Variants in BICRAL observed in about 807,000 individuals in gnomAD.
BICRAL encodes the protein BRD4-interacting chromatin-remodeling complex-associated protein-like.
BICRAL carries 8 observed loss-of-function variants against 91.8 expected under a neutral mutation model. That is an observed-to-expected ratio of 0.09 (90% CI 0.05 to 0.16). BICRAL has a LOEUF of 0.16. BICRAL is among the 10% of genes least tolerant of loss of function. The pLI, the probability that BICRAL is intolerant of heterozygous loss-of-function variation, is 1.00. For missense variants in BICRAL, 1,038 were observed against 1,310.9 expected (o/e 0.79, Z 3.21); for synonymous variants, 445 against 491.1 (o/e 0.91, Z 1.24).
At chr6:42,825,828 A>ACCTGTAATC (rs58604710) in intron 5 of BICRAL, among the ~76,000 whole-genome samples, 71,014 of 151,594 alleles carry the variant, frequency 0.47, 17,847 homozygotes, top group African/African-American at 0.66. Flanking sequence ...GGTGGCTCAC[A>ACCTGTAATC]CCAACACTTG....
rs1017357608 is a variant in BICRAL, at chr6:42,794,854, G to A, written c.-102+12753G>A. ...CGGGCACCTGTAATCGCAGCTATTC[G>A]GGAGGCTGAGACAGGAGGATTGCTT... On this transcript the variant is annotated intron_variant, in intron 1 of 12. Transcript: ENST00000314073. Among the ~76,000 whole-genome samples, 17 of 150,998 alleles carry A rather than the reference G, an allele frequency of 1.1e-4. No individual in the cohort carries two copies. The East Asian group carries it at 1.4e-3, about 12-fold the overall frequency.
At chr6:42,807,270 G>A (rs190428407) in intron 1 of BICRAL, among the ~76,000 whole-genome samples, 6 of 151,812 alleles carry the variant, frequency 4.0e-5, no homozygotes, top group Non-Finnish European at 8.8e-5. Context: ...TGCAAGCTCC[G>A]CCTTCCGGGT....
rs749910665 is a variant in BICRAL, at chr6:42,822,025, G to GGAT, written c.15_17dup (p.Asp6dup). 8 of 1,605,032 alleles carry GGAT rather than the reference G, an allele frequency of 5.0e-6. No homozygotes were observed. In the African/African-American group the frequency reaches 5.4e-5, roughly 11 times the overall value. On this transcript the variant is annotated inframe_insertion, in exon 3 of 13. Coordinates refer to ENST00000314073, the MANE Select transcript of BICRAL (RefSeq NM_001393499.1). Reference sequence around the variant, plus strand: ...TCTCCCTTTTCTTTATAGTTGTCATGGATGATGATGATGACTCGTGTCTCC... The same window carrying GGAT: ...TCTCCCTTTTCTTTATAGTTGTCATGGATGATGATGATGATGACTCGTGTCTCC...
At chr6:42,848,819 AAAAC>A (rs574218896) in intron 6 of BICRAL, among the ~76,000 whole-genome samples, 41 of 152,326 alleles carry the variant, frequency 2.7e-4, no homozygotes, top group African/African-American at 5.8e-4. Flanking sequence ...ACCCTGTCTC[AAAAC>A]AAACAAACAA....
chr6:42,813,824 A>T (rs1259102956), intron 2 of BICRAL, among the ~76,000 whole-genome samples: 2 of 151,984 alleles, frequency 1.3e-5, no homozygotes, highest in Non-Finnish European at 2.9e-5. Flanking sequence ...CCCATCTCAC[A>T]CTCTTTAAAG....
At chr6:42,783,394 G>GC (rs993880586) in intron 1 of BICRAL, among the ~76,000 whole-genome samples, 22 of 152,152 alleles carry the variant, frequency 1.4e-4, no homozygotes, top group Non-Finnish European at 2.6e-4. Flanking sequence ...TGCTGTTCGC[G>GC]CCCCCCCGAG....
chr6:42,855,876 A>G lies in BICRAL; in HGVS notation c.2067A>G (p.Gly689=), dbSNP rs1446904001. ...PAVQVESHSG[G]QKRPAAKQLT... The stretch of plus-strand genomic sequence containing the variant: ...TTTAGGTGGAGAGTCATTCGGGAGG[A>G]CAAAAAAGGCCTGCTGCGAAACAGC... Residue 689 remains glycine, a synonymous_variant, in exon 9 of 13, where the codon GGA becomes GGG. Transcript: ENST00000314073. The G allele has an allele frequency of 6.2e-7, 1 of 1,613,626 alleles. No individual in the cohort carries two copies. Among genetic ancestry groups the G allele is most frequent in the East Asian group, 2.2e-5 (1 of 44,888 alleles).
In BICRAL at chr6:42,861,113, C is replaced by T. The variant is rs137891787; in HGVS notation, c.2349+757C>T. 4.6e-3 allele frequency among the ~76,000 whole-genome samples: 697 copies of T among 152,018 alleles called. 3 individuals are homozygous for T. Among genetic ancestry groups the T allele is most frequent in the African/African-American group, 0.016 (645 of 41,466 alleles). On this transcript the variant is annotated intron_variant, in intron 11 of 12. Transcript: ENST00000314073. ...TGCACTCCAGTCTGGGCAACAAGAG[C>T]GAAACTCTGTCTCAATAAAATAATA...
At chr6:42,826,282 T>C (rs1044209752) in intron 5 of BICRAL, among the ~76,000 whole-genome samples, 1 of 136,234 alleles carries the variant, frequency 7.3e-6, no homozygotes, top group African/African-American at 2.5e-5. Flanking sequence ...TTGCCCAGGC[T>C]GAAGTGCAGT....
intron 1 of BICRAL, among the ~76,000 whole-genome samples, chr6:42,773,956 T>C (rs1762777265): frequency 6.6e-6 from 1 of 152,212 alleles, no homozygotes; most frequent in African/African-American, 2.4e-5. Flanking sequence ...TGTAAATGAT[T>C]GTTTTGGAAT....
chr6:42,812,920 A>G (rs1327622661), intron 2 of BICRAL, among the ~76,000 whole-genome samples: 1 of 152,214 alleles, frequency 6.6e-6, no homozygotes, highest in Admixed American at 6.5e-5. Flanking sequence ...CTGTGGTCCC[A>G]GCTACTCAAG....
intron 1 of BICRAL, among the ~76,000 whole-genome samples, chr6:42,788,496 A>G (rs1425411805): frequency 6.6e-6 from 1 of 152,074 alleles, no homozygotes; most frequent in African/African-American, 2.4e-5. Flanking sequence ...TGTTGGGATT[A>G]TAGGTGTGAG....
intron 1 of BICRAL, among the ~76,000 whole-genome samples, chr6:42,783,661 C>T (rs1763008824): frequency 6.6e-6 from 1 of 152,238 alleles, no homozygotes; most frequent in African/African-American, 2.4e-5. Flanking sequence ...CCCACGCCCC[C>T]AGACCCAAAA....
At chr6:42,765,015 C>A (rs954661414) in intron 1 of BICRAL, among the ~76,000 whole-genome samples, 2 of 152,132 alleles carry the variant, frequency 1.3e-5, no homozygotes, top group African/African-American at 2.4e-5. Flanking sequence ...ATGCCTTGCA[C>A]TTTATGGGGC....
chr6:42,830,205 A>G (rs1477249112), intron 6 of BICRAL, 33 bp downstream of exon 6: 1 of 1,598,740 alleles, frequency 6.3e-7, no homozygotes, highest in Admixed American at 1.7e-5. Context: ...TATTTGGCTG[A>G]TTATAGAATG....
At chr6:42,771,082 C>CTG (rs1762717154) in intron 1 of BICRAL, among the ~76,000 whole-genome samples, 1 of 152,232 alleles carries the variant, frequency 6.6e-6, no homozygotes, top group African/African-American at 2.4e-5. Flanking sequence ...CCTAGCCTGC[C>CTG]CAGGGCCACC....
intron 1 of BICRAL, among the ~76,000 whole-genome samples, chr6:42,763,904 T>G (rs1362536823): frequency 7.4e-6 from 1 of 135,622 alleles, no homozygotes. Flanking sequence ...ATGCATTTAG[T>G]GCATTAAAAA....
In BICRAL at chr6:42,829,531, C is replaced by G; in HGVS notation, c.1198C>G (p.Gln400Glu). Residue 400 changes from glutamine to glutamate, a missense_variant, in exon 6 of 13, where the codon CAG becomes GAG. This residue lies in a region of BICRAL where 532 missense variants were observed against 724.9 expected (regional missense o/e 0.73). Transcript: ENST00000314073. ...GGGCCAACCTCACGCACCCCAAAGTCAGTTCCTTATACCTACAAGCCTTTC... is the reference window on the plus strand; with the variant it reads ...GGGCCAACCTCACGCACCCCAAAGTGAGTTCCTTATACCTACAAGCCTTTC... ...PMGQPHAPQS[Q>E]FLIPTSLSVS... is the part of the protein sequence containing the mutation. 1 of 1,614,214 alleles carries G rather than the reference C, an allele frequency of 6.2e-7. No homozygotes were observed. The highest frequency in any genetic ancestry group is 2.2e-5 in the East Asian group (1 of 44,880).
intron 1 of BICRAL, among the ~76,000 whole-genome samples, chr6:42,770,352 CCGAGTAGCTGGGATTACAGG>C (rs1446224289): frequency 6.6e-6 from 1 of 151,896 alleles, no homozygotes; most frequent in East Asian, 1.9e-4. Flanking sequence ...CCTCAGCTTC[CCGAGTAGCTGGGATTACAGG>C]CACGTGCCAC....
Sources: allele counts gnomAD v4.1 joint callset (sites outside exome capture counted in the v4.1 genomes callset), GRCh38; gene constraint gnomAD v4.1.1; regional missense constraint gnomAD v4.1.1; transcripts MANE v1.5; gene names NCBI Gene and HGNC (gene_info 2026-07-23, HGNC 2026-07-21).